Variants in ATF6B observed in about 807,000 individuals in gnomAD.
The protein encoded by ATF6B is cyclic AMP-dependent transcription factor ATF-6 beta.
Under a neutral mutation model 83.5 loss-of-function variants are expected in ATF6B, and 50 were observed. The ratio of observed to expected loss-of-function variants is 0.60; its 90% CI spans 0.48 to 0.76. The LOEUF (loss-of-function observed/expected upper bound fraction) is 0.76, where lower values mean the gene tolerates loss of function less well. ATF6B is among the 30% of genes least tolerant of loss of function. ATF6B has a pLI of 0.00. For missense variants in ATF6B, 790 were observed against 893.8 expected, an observed-to-expected ratio of 0.88 and a Z score of 1.48; for synonymous variants, 344 against 362.8, an observed-to-expected ratio of 0.95 and a Z score of 0.59.
At chr6:32,123,258 A>G (rs904572642) in intron 5 of ATF6B, among the ~76,000 whole-genome samples, 3 of 149,702 alleles carry the variant, frequency 2.0e-5, no homozygotes, top group African/African-American at 7.4e-5. Flanking sequence ...AAAAAAGGGA[A>G]CTATTTAACC....
Position 32,118,856 on chromosome 6 carries a change from A to G in ATF6B, c.1163T>C (p.Leu388Pro). The change falls in exon 11 of 18, where the codon CTC becomes CCC. Residue 388 changes from leucine (L) to proline (P), a missense_variant. By Grantham distance (98) the Leu-to-Pro change is moderately conservative (BLOSUM62 -3). Around this residue, in one of 3 missense-constraint regions of ATF6B, gnomAD observed 530 missense variants for 632.6 expected, o/e 0.84. Transcript: ENST00000375203. The surrounding 1 kb of genome is among the most constrained non-coding windows in gnomAD (Gnocchi z 5.2). ...LEALLAENSE[L>P]KLGSGNRKVV... ...CTTCCTGTTTCCAGACCCTAACTTG[A>G]GCTCGCTGTTCTAAGGTACAAAGAA... 6.2e-7 allele frequency: 1 copy of G among 1,614,100 alleles called. No homozygotes were observed. Among genetic ancestry groups the G allele is most frequent in the East Asian group, 2.2e-5 (1 of 44,902 alleles).
rs9501163 is a variant in ATF6B at position 32,117,670 on chromosome 6, G to A, written c.1449C>T (p.Gly483=). ...SFSNLTAFPG[G]AKELLLRDLD... is the part of the protein sequence containing the mutation. ...GGTCTCTTAGTAGTAGCTCCTTGGC[G>A]CCCCCAGGGAAGGCTGTCAGGTTGC... The change falls in exon 13 of 18, where the codon GGC becomes GGT. Residue 483 remains glycine (G), a synonymous_variant. Coordinates refer to ENST00000375203, the MANE Select transcript of ATF6B (RefSeq NM_004381.5). The surrounding 1 kb of genome is among the most constrained non-coding windows in gnomAD (Gnocchi z 5.0). 1,335 of 1,614,074 alleles carry A rather than the reference G, an allele frequency of 8.3e-4. 6 individuals carry two copies. The African/African-American group carries it at 0.012, about 15-fold the overall frequency.
intron 1 of ATF6B, among the ~76,000 whole-genome samples, 167 bp downstream of exon 1, chr6:32,127,950 C>T (rs538489083): frequency 6.6e-6 from 1 of 152,240 alleles, no homozygotes; most frequent in Non-Finnish European, 1.5e-5. Flanking sequence ...GAGCAGAGTT[C>T]TTCCCTGACT....
chr6:32,116,059 G>A lies in ATF6B; in HGVS notation c.1883-91C>T. The stretch of plus-strand genomic sequence containing the variant: ...GAGGAGGTCAGAAAAGTAGAGGTGA[G>A]CAGAGAGAAAAAGAAAGGGCAATAG... On this transcript the variant is annotated intron_variant, in intron 17 of 17. Transcript: ENST00000375203. This position sits in a 1 kb window ranked among gnomAD's most constrained non-coding sequence, Gnocchi z 5.1. 1.0e-6 allele frequency: 1 copy of A among 970,320 alleles called. No individual in the cohort carries two copies. 60.1% of individuals were successfully genotyped at this position (970,320 alleles called of 1,614,324 possible). A position where few individuals can be genotyped will look rare whatever the true frequency, so the allele number is the denominator to read the frequency against.
At position 32,116,409 on chromosome 6, in the gene ATF6B, C is replaced by G. The variant is rs550415003; in HGVS notation, c.1882+71G>C. 132 of 1,455,320 alleles carry G rather than the reference C, an allele frequency of 9.1e-5. No individual in the cohort carries two copies. The highest frequency in any genetic ancestry group is 1.2e-4 in the Non-Finnish European group (128 of 1,064,128). The allele number at this position is 1,455,320 out of a possible 1,614,324, so 90.2% of individuals were successfully genotyped here. A position where few individuals can be genotyped will look rare whatever the true frequency, so the allele number is the denominator to read the frequency against. ...TCTCTGGATGCCCTGCTCCTCTCCC[C>G]CTTCCCCCTCAGCTCCCAGGCTGGA... On this transcript the variant is annotated intron_variant, in intron 17 of 17. Transcript: ENST00000375203. The surrounding 1 kb of genome is among the most constrained non-coding windows in gnomAD (Gnocchi z 5.1).
intron 2 of ATF6B, 64 bp from the exon 3 acceptor site, chr6:32,127,584 C>T: frequency 1.2e-6 from 2 of 1,609,456 alleles, no homozygotes; most frequent in African/African-American, 1.3e-5. Context: ...GGGGTGACTC[C>T]AGATGAGTTA....
chr6:32,126,996 T>C, intron 4 of ATF6B, 107 bp downstream of exon 4: 1 of 1,041,188 alleles, frequency 9.6e-7, no homozygotes, highest in Non-Finnish European at 1.3e-6. Flanking sequence ...ACACACCTCA[T>C]GACTCATAGC....
At chr6:32,128,067 G>C in intron 1 of ATF6B, 50 bp downstream of exon 1, 2 of 1,597,392 alleles carry the variant, frequency 1.3e-6, no homozygotes, top group East Asian at 2.2e-5. Flanking sequence ...TCTTTCCCGC[G>C]TGCCTCAGGG....
intron 3 of ATF6B, 101 bp from the exon 4 acceptor site, chr6:32,127,295 G>A: frequency 1.4e-6 from 2 of 1,379,812 alleles, no homozygotes; most frequent in South Asian, 1.4e-5. Context: ...CCGCAGCAAG[G>A]GAGAAGAAAC....
intron 5 of ATF6B, among the ~76,000 whole-genome samples, chr6:32,122,886 G>T (rs1781820582): frequency 6.8e-6 from 1 of 147,190 alleles, no homozygotes; most frequent in Non-Finnish European, 1.5e-5. Context: ...CGGTCCTCCA[G>T]TCACTCAGAT....
Position 32,117,064 on chromosome 6 carries a change from G to T in ATF6B, c.1658C>A (p.Pro553His), listed in dbSNP as rs1781559109. Residue 553 changes from proline to histidine, a missense_variant, in exon 15 of 18, where the codon CCC becomes CAC. By Grantham distance (77) the Pro-to-His change is moderately conservative (BLOSUM62 -2). Transcript: ENST00000375203. The surrounding 1 kb of genome is among the most constrained non-coding windows in gnomAD (Gnocchi z 5.0). Reference protein sequence around the residue: ...RKKSPPVKAVPIQPPGPPERD... With the variant: ...RKKSPPVKAVHIQPPGPPERD... ...TTCTGGGGGTCCAGGGGGTTGGATG[G>T]GGACTGCCTTAACTGGAGGTGACTT... 2 of 1,614,080 alleles carry T rather than the reference G, an allele frequency of 1.2e-6. No homozygotes were observed. Among genetic ancestry groups the T allele is most frequent in the Non-Finnish European group, 1.7e-6 (2 of 1,179,982 alleles).
Position 32,125,893 on chromosome 6 carries a change from A to G in ATF6B, c.478+224T>C, listed in dbSNP as rs1031431235. 1.9e-5 allele frequency: 10 copies of G among 535,290 alleles called. No homozygotes were observed. The highest frequency in any genetic ancestry group is 2.8e-5 in the Non-Finnish European group (9 of 319,008). The allele number at this position is 535,290 out of a possible 1,614,324, so 33.2% of individuals were successfully genotyped here. On this transcript the variant is annotated intron_variant, in intron 5 of 17. Transcript: ENST00000375203. The surrounding 1 kb of genome is among the most constrained non-coding windows in gnomAD (Gnocchi z 4.1). Reference sequence around the variant, plus strand: ...ACAGAATACTAGGAACAAGAAAAAGAGAGAAAAATAATATCCATCTCCTCA... The same window carrying G: ...ACAGAATACTAGGAACAAGAAAAAGGGAGAAAAATAATATCCATCTCCTCA...
chr6:32,121,166 T>G (rs777029035), intron 6 of ATF6B, 42 bp from the exon 7 acceptor site: 1 of 1,609,564 alleles, frequency 6.2e-7, no homozygotes, highest in Non-Finnish European at 8.5e-7. Context: ...AGGAAGAGTG[T>G]CGAGGAGAAG....
Position 32,117,492 on chromosome 6 carries a change from G to C in ATF6B, c.1533-88C>G, listed in dbSNP as rs1781576863. On this transcript the variant is annotated intron_variant, in intron 13 of 17. Coordinates refer to ENST00000375203, the MANE Select transcript of ATF6B (RefSeq NM_004381.5). This position sits in a 1 kb window ranked among gnomAD's most constrained non-coding sequence, Gnocchi z 5.0. ...CCCACAGGAGTGAGGAGAGGGCAGG[G>C]AGCACTGGCGCTTTAGTACACAGGC... The C allele has an allele frequency of 3.8e-6, 6 of 1,592,636 alleles. No individual in the cohort carries two copies. The South Asian group carries it at 6.7e-5, about 18-fold the overall frequency.
At position 32,121,106 on chromosome 6, in the gene ATF6B, C is replaced by A; in HGVS notation, c.583G>T (p.Val195Phe). 6.4e-7 allele frequency: 1 copy of A among 1,574,124 alleles called. No homozygotes were observed. The highest frequency in any genetic ancestry group is 8.6e-7 in the Non-Finnish European group (1 of 1,161,710). Residue 195 changes from valine (V) to phenylalanine (F), a missense_variant, in exon 7 of 18, where the codon GTC becomes TTC. Coordinates refer to ENST00000375203, the MANE Select transcript of ATF6B (RefSeq NM_004381.5). ...AGGGACTCTGTCTTCACTTCCAGGA[C>A]CTCCTCTCCTATAAAAGCCTATGTG... ...SSSQAFIGEEVLEVKTESLSP... is the reference protein window; with the variant it reads ...SSSQAFIGEEFLEVKTESLSP...
chr6:32,116,008 G>A lies in ATF6B; in HGVS notation c.1883-40C>T, dbSNP rs898300173. The A allele has an allele frequency of 5.9e-6, 9 of 1,530,332 alleles. No homozygotes were observed. Among genetic ancestry groups the A allele is most frequent in the Non-Finnish European group, 8.1e-6 (9 of 1,112,172 alleles). 94.8% of individuals were successfully genotyped at this position (1,530,332 alleles called of 1,614,324 possible). On this transcript the variant is annotated intron_variant, in intron 17 of 17. Transcript: ENST00000375203. This position sits in a 1 kb window ranked among gnomAD's most constrained non-coding sequence, Gnocchi z 5.1. Reference sequence around the variant, plus strand: ...GAGTTAAGGAAGAGGAGATGGGGAGGCAAACAGGGATTGCAGGGAGGAGGG... The same window carrying A: ...GAGTTAAGGAAGAGGAGATGGGGAGACAAACAGGGATTGCAGGGAGGAGGG...
rs769491251 is a variant in ATF6B, at chr6:32,115,737, G to A, written c.*2C>T. On this transcript the variant is annotated 3_prime_UTR_variant, in exon 18 of 18. Transcript: ENST00000375203. ...GTTCTAAGTCAGTGTGAATGGCAGA[G>A]GTCAGGGATGATTGAGGTAGAGGGG... 2.5e-6 allele frequency: 4 copies of A among 1,592,282 alleles called. 1 individual carries two copies. The highest frequency in any genetic ancestry group is 8.6e-7 in the Non-Finnish European group (1 of 1,168,546).
chr6:32,116,564 C>A lies in ATF6B; in HGVS notation c.1798G>T (p.Asp600Tyr). 1 of 1,597,618 alleles carries A rather than the reference C, an allele frequency of 6.3e-7. No individual in the cohort carries two copies. Among genetic ancestry groups the A allele is most frequent in the South Asian group, 1.1e-5 (1 of 88,216 alleles). ...CTGATGGCTGGGAGCAGCAGGTGGT[C>A]CTGGGGAACAGATGGGCCAGGCCAG... ...DTFYVVSFRR[D>Y]HLLLPAISHN... The change falls in exon 17 of 18, where the codon GAC (aspartate) becomes TAC (tyrosine). Residue 600 changes from aspartate to tyrosine, a missense_variant and splice_region_variant. Transcript: ENST00000375203. This position sits in a 1 kb window ranked among gnomAD's most constrained non-coding sequence, Gnocchi z 5.1.
chr6:32,116,399 C>A lies in ATF6B; in HGVS notation c.1882+81G>T. On this transcript the variant is annotated intron_variant, in intron 17 of 17. Transcript: ENST00000375203. This position sits in a 1 kb window ranked among gnomAD's most constrained non-coding sequence, Gnocchi z 5.1. ...GTCCAGCAGCTCTCTGGATGCCCTG[C>A]TCCTCTCCCCCTTCCCCCTCAGCTC... The A allele has an allele frequency of 1.5e-6, 2 of 1,370,536 alleles. No homozygotes were observed. The highest frequency in any genetic ancestry group is 2.0e-6 in the Non-Finnish European group (2 of 997,548). 84.9% of individuals were successfully genotyped at this position (1,370,536 alleles called of 1,614,324 possible). A position where few individuals can be genotyped will look rare whatever the true frequency, so the allele number is the denominator to read the frequency against.
Sources: gnomAD v4.1 joint callset for allele counts (sites outside exome capture counted in the v4.1 genomes callset) on GRCh38, gnomAD v4.1.1 for gene constraint, gnomAD v4.1.1 regional missense constraint, Gnocchi (gnomAD v3.1) non-coding constraint, MANE v1.5 for transcripts, NCBI Gene and HGNC (gene_info 2026-07-23, HGNC 2026-07-21) for gene names.